The following RHOBTB2 variants were observed in gnomAD, a reference collection of about 807,000 sequenced individuals.
RHOBTB2 encodes the protein rho-related BTB domain-containing protein 2.
In RHOBTB2, 39 loss-of-function variants were observed where a neutral mutation model predicts 66.5. The observed-to-expected ratio is 0.59, with a 90% CI of 0.45 to 0.77. The LOEUF (loss-of-function observed/expected upper bound fraction) is 0.77, where lower values mean the gene tolerates loss of function less well. Among genes scored for constraint, RHOBTB2 ranks in the 30% least tolerant of loss-of-function variants. The pLI, the probability that RHOBTB2 is intolerant of heterozygous loss-of-function variation, is 0.00. For missense variants in RHOBTB2, 755 were observed against 999.1 expected (o/e 0.76, Z 3.29); for synonymous variants, 390 against 395.0 (o/e 0.99, Z 0.15).
rs1285606282 is a variant in RHOBTB2 at position 23,010,594 on chromosome 8, C to T, written c.1677C>T (p.Tyr559=). 3 of 1,614,076 alleles carry T rather than the reference C, an allele frequency of 1.9e-6. No homozygotes were observed. In the South Asian group the frequency reaches 3.3e-5, roughly 18 times the overall value. Residue 559 remains tyrosine, a synonymous_variant, in exon 7 of 10, where the codon TAC becomes TAT. Coordinates refer to ENST00000251822, the MANE Select transcript of RHOBTB2 (RefSeq NM_015178.3). The part of the protein sequence containing the change: ...SCMRAVLEYL[Y]TGMFTSSPDL... ...TGCGGGCCGTGCTGGAATACCTCTACACCGGCATGTTCACCTCCAGCCCCG... is the reference window on the plus strand; with the variant it reads ...TGCGGGCCGTGCTGGAATACCTCTATACCGGCATGTTCACCTCCAGCCCCG...
At chr8:22,965,165 T>G in the RHOBTB2 span, among the ~76,000 whole-genome samples, 1 of 152,186 alleles carries the variant, frequency 6.6e-6, no homozygotes, top group Non-Finnish European at 1.5e-5. Context: ...TGAATCCATA[T>G]TTATTGTCTT....
chr8:22,997,445 G>A (rs1038230120), upstream of RHOBTB2, among the ~76,000 whole-genome samples: 2 of 152,154 alleles, frequency 1.3e-5, no homozygotes. Flanking sequence ...CTGAGTGTGA[G>A]CGGGGCGGGG....
chr8:22,994,646 A>G (rs1035164218), upstream of RHOBTB2: 7 of 1,549,724 alleles, frequency 4.5e-6, no homozygotes, highest in African/African-American at 6.8e-5. Flanking sequence ...GCATGTGAGT[A>G]GCTACTGTGT....
intron 1 of RHOBTB2, among the ~76,000 whole-genome samples, chr8:23,002,939 G>C (rs535048503): frequency 6.6e-6 from 1 of 152,176 alleles, no homozygotes; most frequent in African/African-American, 2.4e-5. Flanking sequence ...TGGATATTTC[G>C]GTCTGCATCC....
At chr8:22,993,215 G>C (rs745610766) in intron 2 of RHOBTB2, among the ~76,000 whole-genome samples, 5 of 152,036 alleles carry the variant, frequency 3.3e-5, no homozygotes, top group Non-Finnish European at 7.4e-5. Flanking sequence ...GCTGCAGTAC[G>C]GTGGTACGAT....
the RHOBTB2 span, among the ~76,000 whole-genome samples, chr8:22,964,409 T>G: frequency 3.3e-5 from 5 of 152,314 alleles, no homozygotes; most frequent in South Asian, 2.1e-4. Context: ...AGGTGTTCCA[T>G]GTAGCAATCA....
chr8:22,972,533 T>G, the RHOBTB2 span, among the ~76,000 whole-genome samples: 1 of 152,194 alleles, frequency 6.6e-6, no homozygotes, highest in Non-Finnish European at 1.5e-5. Context: ...GCCTCCAGTC[T>G]CACCCACTTC....
chr8:23,017,664 C>T lies in RHOBTB2; in HGVS notation c.*195C>T, dbSNP rs983993542. On this transcript the variant is annotated 3_prime_UTR_variant, in exon 10 of 10. Transcript: ENST00000251822. The surrounding 1 kb of genome is among the most constrained non-coding windows in gnomAD (Gnocchi z 5.3). ...GAGCCCTGTGGAGCAGAACGGGAACCACCTGCAGAGGTCCCCAGACCCAAA... is the reference window on the plus strand; with the variant it reads ...GAGCCCTGTGGAGCAGAACGGGAACTACCTGCAGAGGTCCCCAGACCCAAA... 4.8e-6 allele frequency: 4 copies of T among 836,136 alleles called. No homozygotes were observed. The African/African-American group carries it at 5.2e-5, about 11-fold the overall frequency. The allele number at this position is 836,136 out of a possible 1,614,324, so 51.8% of individuals were successfully genotyped here.
At chr8:22,985,464 G>A (rs1375668502), upstream of RHOBTB2, among the ~76,000 whole-genome samples, 1 of 152,206 alleles carries the variant, frequency 6.6e-6, no homozygotes, top group Non-Finnish European at 1.5e-5. Context: ...CTTCAAAGGA[G>A]TGTCTTTCTC....
upstream of RHOBTB2, among the ~76,000 whole-genome samples, chr8:22,983,956 G>A (rs886220974): frequency 3.9e-5 from 6 of 152,038 alleles, no homozygotes; most frequent in African/African-American, 1.2e-4. Context: ...AGATGGTCTC[G>A]ATCTCTTGAC....
At position 22,999,903 on chromosome 8, in the gene RHOBTB2, A is replaced by G. The variant is rs13276519; in HGVS notation, c.-213A>G. 1 of 985,234 alleles carries G rather than the reference A, an allele frequency of 1.0e-6. No individual in the cohort carries two copies. Among genetic ancestry groups the G allele is most frequent in the Non-Finnish European group, 1.2e-6 (1 of 829,896 alleles). 61.0% of individuals were successfully genotyped at this position (985,234 alleles called of 1,614,324 possible). ...AGCGCGCGCGTCCGCTCCTGGGCCC[A>G]CGTCCGGCCTGGGCTGCCCTGCCGG... On this transcript the variant is annotated 5_prime_UTR_variant, in exon 1 of 10. Coordinates refer to ENST00000251822, the MANE Select transcript of RHOBTB2 (RefSeq NM_015178.3).
chr8:23,015,701 G>A lies in RHOBTB2; in HGVS notation c.1924G>A (p.Val642Met), dbSNP rs201522021. Residue 642 changes from valine to methionine, a missense_variant, in exon 9 of 10, where the codon GTG becomes ATG. By Grantham distance (21) the Val-to-Met change is conservative. This residue lies in a region of RHOBTB2 where 353 missense variants were observed against 458.2 expected (regional missense o/e 0.77). Transcript: ENST00000251822. ...LHHICTNYNNVCRKFPRDMKA... is the reference protein window; with the variant it reads ...LHHICTNYNNMCRKFPRDMKA... Reference sequence around the variant, plus strand: ...CCACATCTGCACCAACTACAACAACGTGTGCCGCAAGTTCCCCCGAGACAT... The same window carrying A: ...CCACATCTGCACCAACTACAACAACATGTGCCGCAAGTTCCCCCGAGACAT... The A allele has an allele frequency of 5.1e-5, 83 of 1,613,876 alleles. 1 individual carries two copies. The South Asian group carries it at 5.5e-4, about 11-fold the overall frequency.
rs1810705243 is a variant in RHOBTB2, at chr8:22,999,739, G to C, written c.-377G>C. ...CCTTCGCCGCGGGCCCGGGCGCGTA[G>C]CGGCGGCGGCCTCGCCCCTCTCCCG... On this transcript the variant is annotated 5_prime_UTR_variant, in exon 1 of 10. Coordinates refer to ENST00000251822, the MANE Select transcript of RHOBTB2 (RefSeq NM_015178.3). The C allele has an allele frequency of 1.8e-6, 2 of 1,081,876 alleles. No homozygotes were observed. Among genetic ancestry groups the C allele is most frequent in the Non-Finnish European group, 2.3e-6 (2 of 885,666 alleles). The allele number at this position is 1,081,876 out of a possible 1,614,324, so 67.0% of individuals were successfully genotyped here.
chr8:22,963,945 C>A, the RHOBTB2 span, among the ~76,000 whole-genome samples: 1 of 152,042 alleles, frequency 6.6e-6, no homozygotes, highest in East Asian at 1.9e-4. Flanking sequence ...CCATGCCCAG[C>A]TAATTTTGTA....
chr8:23,007,076 C>T lies in RHOBTB2; in HGVS notation c.831C>T (p.Arg277=). The T allele has an allele frequency of 6.2e-7, 1 of 1,610,726 alleles. No individual in the cohort carries two copies. The highest frequency in any genetic ancestry group is 8.5e-7 in the Non-Finnish European group (1 of 1,179,566). The change falls in exon 5 of 10, where the codon CGC becomes CGT. Residue 277 remains arginine (R), a synonymous_variant. Coordinates refer to ENST00000251822, the MANE Select transcript of RHOBTB2 (RefSeq NM_015178.3). ...TCCTGGTGCTGCAGGAGCGGGTGCG[C>T]ATCTTTGCCCACAAGATCTACCTCT... The part of the protein sequence containing the change: ...DVILVLQERV[R]IFAHKIYLST...
At chr8:23,015,780 C>CAGGA in intron 9 of RHOBTB2, 37 bp downstream of exon 9, 1 of 1,431,884 alleles carries the variant, frequency 7.0e-7, no homozygotes, top group Non-Finnish European at 9.8e-7. Context: ...TACCTGCTGC[C>CAGGA]CTCCCCTTAG....
In RHOBTB2 at chr8:23,004,243, C is replaced by T. The variant is rs2128803197; in HGVS notation, c.-10-182C>T. 1.6e-6 allele frequency: 1 copy of T among 620,286 alleles called. No individual in the cohort carries two copies. Among genetic ancestry groups the T allele is most frequent in the East Asian group, 2.8e-5 (1 of 36,052 alleles). The allele number at this position is 620,286 out of a possible 1,614,324, so 38.4% of individuals were successfully genotyped here. The stretch of plus-strand genomic sequence containing the variant: ...CACTGCTCCTCTCAGCCTGAATGGG[C>T]TCCTGGCCCCTTGGACCCTCGCAGA... On this transcript the variant is annotated intron_variant, in intron 1 of 9. Coordinates refer to ENST00000251822, the MANE Select transcript of RHOBTB2 (RefSeq NM_015178.3). This position sits in a 1 kb window ranked among gnomAD's most constrained non-coding sequence, Gnocchi z 6.4.
intron 6 of RHOBTB2, among the ~76,000 whole-genome samples, chr8:23,008,545 T>C (rs1283505165): frequency 6.6e-6 from 1 of 152,178 alleles, no homozygotes; most frequent in African/African-American, 2.4e-5. Flanking sequence ...GCATCACTGT[T>C]TTAAAAGATA....
chr8:22,959,090 C>A, the RHOBTB2 span, among the ~76,000 whole-genome samples: 1 of 152,364 alleles, frequency 6.6e-6, no homozygotes, highest in East Asian at 1.9e-4. Flanking sequence ...CCTTAACCCC[C>A]TTAGGGGATG....
Sources: allele counts gnomAD v4.1 joint callset (sites outside exome capture counted in the v4.1 genomes callset), GRCh38; gene constraint gnomAD v4.1.1; regional missense constraint gnomAD v4.1.1; non-coding constraint Gnocchi (gnomAD v3.1); transcripts MANE v1.5; gene names NCBI Gene and HGNC (gene_info 2026-07-23, HGNC 2026-07-21).